Variants in DMD observed in about 807,000 individuals in gnomAD.
DMD encodes the protein mutant dystrophin.
DMD carries 63 observed loss-of-function variants against 330.1 expected under a neutral mutation model. The observed-to-expected ratio is 0.19, with a 90% CI of 0.16 to 0.24. The LOEUF (loss-of-function observed/expected upper bound fraction) is 0.24. Ranked by LOEUF, DMD falls within the 10% of genes least tolerant of loss-of-function variation. DMD has a pLI of 1.00. For missense variants in DMD, 3,344 were observed against 2,684.1 expected (o/e 1.25, Z -5.43); for synonymous variants, 1,223 against 959.8 (o/e 1.27, Z -5.07).
rs776777148 is a variant in DMD, at chrX:31,810,978, A to T, written c.7309+8997T>A. ...CTGTAATTAACATTTTATTTCTGTT[A>T]AAATGCAGGACATAGGTAATCAAAA... On this transcript the variant is annotated intron_variant, in intron 50 of 78. Transcript: ENST00000357033. 3.3e-4 allele frequency among the ~76,000 whole-genome samples: 37 copies of T among 112,036 alleles called. 1 individual carries two copies. The South Asian group carries it at 0.013, about 38-fold the overall frequency.
At chrX:32,712,130 T>G (rs1284533923) in intron 7 of DMD, among the ~76,000 whole-genome samples, 1 of 111,889 alleles carries the variant, frequency 8.9e-6, no homozygotes, top group Non-Finnish European at 1.9e-5. Context: ...ATGCATGTAT[T>G]CATTTATCCA....
intron 55 of DMD, among the ~76,000 whole-genome samples, chrX:31,599,064 T>G (rs1320528483): frequency 8.9e-6 from 1 of 111,817 alleles, no homozygotes; most frequent in Non-Finnish European, 1.9e-5. Context: ...AGTTATAAAA[T>G]CCTGATCACC....
At chrX:32,808,952 AT>A (rs2077146540) in intron 7 of DMD, among the ~76,000 whole-genome samples, 1 of 112,242 alleles carries the variant, frequency 8.9e-6, no homozygotes, top group South Asian at 3.7e-4. Context: ...TGTAATAAAA[AT>A]ATAAATACAC....
intron 60 of DMD, among the ~76,000 whole-genome samples, chrX:31,367,360 T>C (rs1453600141): frequency 9.0e-6 from 1 of 111,586 alleles, no homozygotes; most frequent in East Asian, 2.8e-4. Context: ...TACAATTTCA[T>C]TTTCATTTTA....
At chrX:31,864,349 A>G (rs913680725) in intron 48 of DMD, among the ~76,000 whole-genome samples, 1 of 110,525 alleles carries the variant, frequency 9.0e-6, no homozygotes, top group Admixed American at 9.7e-5. Flanking sequence ...TCATTCAAGA[A>G]ACTGTTCTCA....
In DMD at chrX:33,336,191, A is replaced by C. The variant is rs374927961; in HGVS notation, c.7+3068T>G. ...CTTTAGTTTATTAACTCCAGGACCAACTAAAATATTGTCGTGGCTTTCTCT... is the reference window on the plus strand; with the variant it reads ...CTTTAGTTTATTAACTCCAGGACCACCTAAAATATTGTCGTGGCTTTCTCT... On this transcript the variant is annotated intron_variant, in intron 1 of 17. Coordinates refer to the DMD transcript ENST00000288447. 4.6e-5 allele frequency among the ~76,000 whole-genome samples: 5 copies of C among 109,141 alleles called. No homozygotes were observed. In the East Asian group the frequency reaches 1.4e-3, roughly 31 times the overall value. 94.8% of individuals were successfully genotyped at this position (109,141 alleles called of 115,157 possible).
At chrX:32,102,928 TA>T in intron 44 of DMD, among the ~76,000 whole-genome samples, 1 of 112,113 alleles carries the variant, frequency 8.9e-6, no homozygotes, top group East Asian at 2.8e-4. Flanking sequence ...TGAGAATTTA[TA>T]AAAACATTTT....
At position 32,970,445 on chromosome X, in the gene DMD, A is replaced by G. The variant is rs2092337707; in HGVS notation, c.93+49694T>C. 3.2e-5 allele frequency among the ~76,000 whole-genome samples: 3 copies of G among 93,244 alleles called. 1 individual carries two copies. Among genetic ancestry groups the G allele is most frequent in the African/African-American group, 1.5e-4 (3 of 20,571 alleles). 81.0% of individuals were successfully genotyped at this position (93,244 alleles called of 115,157 possible). On this transcript the variant is annotated intron_variant, in intron 2 of 78. Transcript: ENST00000357033. ...ATGTACCCCATAAATATATATATCTATTGTGTACCCACAAAAATAAGATAC... is the reference window on the plus strand; with the variant it reads ...ATGTACCCCATAAATATATATATCTGTTGTGTACCCACAAAAATAAGATAC...
At chrX:32,215,719 G>T in intron 44 of DMD, among the ~76,000 whole-genome samples, 1 of 111,005 alleles carries the variant, frequency 9.0e-6, no homozygotes, top group Non-Finnish European at 1.9e-5. Context: ...TGCCTCTCAG[G>T]CAGAAACCCC....
intron 46 of DMD, among the ~76,000 whole-genome samples, chrX:31,930,836 G>A (rs1439732610): frequency 8.9e-6 from 1 of 111,759 alleles, no homozygotes; most frequent in Non-Finnish European, 1.9e-5. Flanking sequence ...AATACATTTG[G>A]GAAAGATAAA....
chrX:32,728,032 C>T (rs1193377741), intron 7 of DMD, among the ~76,000 whole-genome samples: 1 of 111,480 alleles, frequency 9.0e-6, no homozygotes, highest in Non-Finnish European at 1.9e-5. Flanking sequence ...CTCTATCAAT[C>T]AATATTTTCA....
At chrX:32,825,184 T>C (rs2078599549) in intron 4 of DMD, among the ~76,000 whole-genome samples, 1 of 111,726 alleles carries the variant, frequency 9.0e-6, no homozygotes, top group Admixed American at 9.5e-5. Context: ...TTAGGAAACA[T>C]ACTCACTCAT....
intron 7 of DMD, among the ~76,000 whole-genome samples, chrX:32,711,357 A>G (rs951872455): frequency 9.0e-6 from 1 of 110,503 alleles, no homozygotes; most frequent in Non-Finnish European, 1.9e-5. Context: ...AACTATCTCA[A>G]TTACTATATC....
At chrX:33,103,785 A>C (rs2148389540) in intron 1 of DMD, among the ~76,000 whole-genome samples, 1 of 112,015 alleles carries the variant, frequency 8.9e-6, no homozygotes, top group African/African-American at 3.2e-5. Flanking sequence ...ATTTTTAAAA[A>C]ATGTAAACTC....
chrX:31,374,966 G>T (rs1437154177), intron 60 of DMD, among the ~76,000 whole-genome samples: 1 of 111,385 alleles, frequency 9.0e-6, no homozygotes, highest in Non-Finnish European at 1.9e-5. Flanking sequence ...CTCACAGCTG[G>T]GGCCTTCATT....
intron 1 of DMD, among the ~76,000 whole-genome samples, chrX:33,093,594 C>T (rs1001091179): frequency 9.0e-6 from 1 of 111,259 alleles, no homozygotes; most frequent in African/African-American, 3.3e-5. Context: ...TATTATGTCT[C>T]CAAATCATTG....
intron 1 of DMD, among the ~76,000 whole-genome samples, chrX:33,055,235 A>G (rs1254941484): frequency 8.9e-6 from 1 of 111,771 alleles, no homozygotes; most frequent in Non-Finnish European, 1.9e-5. Context: ...CCGATCAACA[A>G]TCAATACTAC....
chrX:32,141,678 AACACACACACACACAC>A (rs56858722), intron 44 of DMD, among the ~76,000 whole-genome samples: 12 of 88,116 alleles, frequency 1.4e-4, no homozygotes, highest in South Asian at 6.8e-4. Context: ...TATAGAGTGC[AACACACACACACACAC>A]ACACACACAC....
intron 60 of DMD, among the ~76,000 whole-genome samples, chrX:31,422,608 T>C (rs989017241): frequency 8.9e-6 from 1 of 111,894 alleles, no homozygotes; most frequent in African/African-American, 3.2e-5. Flanking sequence ...TTTAGAATAC[T>C]CCTACCTCTT....
Sources: gnomAD v4.1 joint callset for allele counts (sites outside exome capture counted in the v4.1 genomes callset) on GRCh38, gnomAD v4.1.1 for gene constraint, MANE v1.5 for transcripts, NCBI Gene and HGNC (gene_info 2026-07-23, HGNC 2026-07-21) for gene names.